The following FGF14 variants were observed in gnomAD, a reference collection of about 807,000 sequenced individuals.
FGF14 encodes fibroblast growth factor 14, also known as fibroblast growth factor homologous factor 4.
FGF14 carries 5 observed loss-of-function variants against 25.5 expected under a neutral mutation model. That is an observed-to-expected ratio of 0.20 (90% CI 0.10 to 0.41). The LOEUF is 0.41. FGF14 is among the 10% of genes least tolerant of loss of function. The pLI, the probability that FGF14 is intolerant of heterozygous loss-of-function variation, is 1.00. For missense variants in FGF14, 222 were observed against 320.1 expected (o/e 0.69, Z 2.34); for synonymous variants, 138 against 118.3 (o/e 1.17, Z -1.08).
At chr13:102,372,163 T>C (rs1043763493) in intron 1 of FGF14, among the ~76,000 whole-genome samples, 4 of 152,156 alleles carry the variant, frequency 2.6e-5, no homozygotes, top group Non-Finnish European at 5.9e-5. Flanking sequence ...TCTCTCTACT[T>C]CATTCAAAAA....
chr13:102,006,833 T>C (rs948361690), intron 1 of FGF14, among the ~76,000 whole-genome samples: 8 of 139,700 alleles, frequency 5.7e-5, no homozygotes, highest in East Asian at 4.8e-4. Flanking sequence ...CAAGCTCCGC[T>C]TCCCGGGTTC....
chr13:101,926,100 C>T (rs1332553451), intron 1 of FGF14, among the ~76,000 whole-genome samples: 1 of 152,186 alleles, frequency 6.6e-6, no homozygotes, highest in Non-Finnish European at 1.5e-5. Flanking sequence ...ATCACATCTG[C>T]AAAATCGTGT....
At chr13:102,033,697 A>G (rs1285064843) in intron 1 of FGF14, among the ~76,000 whole-genome samples, 1 of 152,162 alleles carries the variant, frequency 6.6e-6, no homozygotes, top group Non-Finnish European at 1.5e-5. Context: ...ACCGAGTTAT[A>G]TTAGGATGCA....
At chr13:102,396,262 A>T (rs1026624029) in intron 1 of FGF14, among the ~76,000 whole-genome samples, 1 of 152,182 alleles carries the variant, frequency 6.6e-6, no homozygotes, top group Non-Finnish European at 1.5e-5. Flanking sequence ...TTGGGCTCAA[A>T]GGTTTTATTA....
chr13:102,260,067 G>A (rs1466357637), intron 1 of FGF14, among the ~76,000 whole-genome samples: 1 of 152,082 alleles, frequency 6.6e-6, no homozygotes, highest in East Asian at 1.9e-4. Flanking sequence ...AGGCAAGAAA[G>A]AGCGGGGAGG....
At chr13:101,788,949 CAG>C (rs60324795) in intron 3 of FGF14, among the ~76,000 whole-genome samples, 13 of 75,046 alleles carry the variant, frequency 1.7e-4, no homozygotes, top group East Asian at 4.3e-4. Context: ...GAGAGAGAGA[CAG>C]AGAGAGAGAG....
rs540686170 is a variant in FGF14, at chr13:102,344,490, T to C, written c.208+56981A>G. 2.1e-4 allele frequency among the ~76,000 whole-genome samples: 32 copies of C among 152,388 alleles called. 1 individual carries two copies. In the East Asian group the frequency reaches 5.8e-3, roughly 28 times the overall value. ...AAAAATGTATTTTTAAAAATCAAAC[T>C]AAATTTCCTTCTAAGTAGAATGTAG... On this transcript the variant is annotated intron_variant, in intron 1 of 4. Transcript: ENST00000376131.
intron 1 of FGF14, among the ~76,000 whole-genome samples, chr13:101,993,647 T>C (rs1013268330): frequency 6.6e-6 from 1 of 152,072 alleles, no homozygotes; most frequent in Non-Finnish European, 1.5e-5. Flanking sequence ...AAACATTACT[T>C]GTAAGAGTAT....
rs1387836762 is a variant in FGF14 at position 101,721,171 on chromosome 13, A to AAAAC, written c.*1656_*1659dup. On this transcript the variant is annotated 3_prime_UTR_variant, in exon 5 of 5. Coordinates refer to ENST00000376143, the MANE Select transcript of FGF14 (RefSeq NM_004115.4). ...GGTCTCAATGAACTCTTCTGAGAAG[A>AAAAC]AAACATTGAATTTTATTAGGTGTAC... 1 of 152,178 alleles carries AAAAC rather than the reference A, an allele frequency of 6.6e-6. No homozygotes were observed. The highest frequency in any genetic ancestry group is 1.5e-5 in the Non-Finnish European group (1 of 68,026). The allele number at this position is 152,178 out of a possible 1,614,324, so 9.4% of individuals were successfully genotyped here.
intron 1 of FGF14, among the ~76,000 whole-genome samples, chr13:102,144,364 G>A (rs1029161981): frequency 1.3e-5 from 2 of 152,020 alleles, no homozygotes; most frequent in Admixed American, 1.3e-4. Flanking sequence ...ACACTGAACT[G>A]CTTATCCAAA....
At chr13:101,929,757 A>T (rs2034625934) in intron 1 of FGF14, among the ~76,000 whole-genome samples, 1 of 152,234 alleles carries the variant, frequency 6.6e-6, no homozygotes, top group African/African-American at 2.4e-5. Context: ...ACATATATAC[A>T]TGCACACATT....
Position 101,721,578 on chromosome 13 carries a change from A to G in FGF14, c.*1253T>C, listed in dbSNP as rs181961434. ...TGGTGAAATACACAGTACCGGACTC[A>G]GCATGCTGAGCTAAAAAAAATATTT... On this transcript the variant is annotated 3_prime_UTR_variant, in exon 5 of 5. Transcript: ENST00000376143. 42 of 152,268 alleles carry G rather than the reference A, an allele frequency of 2.8e-4. 1 individual carries two copies. The highest frequency in any genetic ancestry group is 7.8e-4 in the Admixed American group (12 of 15,294). 9.4% of individuals were successfully genotyped at this position (152,268 alleles called of 1,614,324 possible).
At chr13:101,788,811 C>A (rs947626708) in intron 3 of FGF14, among the ~76,000 whole-genome samples, 1 of 145,438 alleles carries the variant, frequency 6.9e-6, no homozygotes, top group Non-Finnish European at 1.5e-5. Flanking sequence ...CCTTTTTTCC[C>A]AGGATTCTTC....
chr13:101,990,889 G>A (rs1203009006), intron 1 of FGF14, among the ~76,000 whole-genome samples: 1 of 152,098 alleles, frequency 6.6e-6, no homozygotes, highest in African/African-American at 2.4e-5. Flanking sequence ...ACTCCACAAA[G>A]TTGTCATGAG....
At chr13:101,862,420 T>G (rs1028317951) in intron 3 of FGF14, among the ~76,000 whole-genome samples, 10 of 152,130 alleles carry the variant, frequency 6.6e-5, no homozygotes, top group Non-Finnish European at 1.5e-4. Context: ...TCTCTTTATA[T>G]TCCATAAAAT....
intron 3 of FGF14, among the ~76,000 whole-genome samples, chr13:101,775,629 G>A (rs1449662888): frequency 2.6e-5 from 4 of 152,120 alleles, no homozygotes; most frequent in Admixed American, 2.0e-4. Context: ...CTGTCCCTGT[G>A]CAGGTTAGTA....
At chr13:101,909,142 A>G in intron 1 of FGF14, among the ~76,000 whole-genome samples, 1 of 152,214 alleles carries the variant, frequency 6.6e-6, no homozygotes, top group Non-Finnish European at 1.5e-5. Flanking sequence ...AAAACCCTAG[A>G]AGTAAACCTA....
chr13:101,976,057 G>C (rs1046851354), intron 1 of FGF14, among the ~76,000 whole-genome samples: 7 of 152,034 alleles, frequency 4.6e-5, no homozygotes, highest in African/African-American at 7.2e-5. Context: ...TAATGAAAAT[G>C]TTTCATTTAT....
chr13:102,020,726 T>C (rs2139862121), intron 1 of FGF14, among the ~76,000 whole-genome samples: 1 of 152,254 alleles, frequency 6.6e-6, no homozygotes, highest in East Asian at 1.9e-4. Context: ...TGTTTGTGAC[T>C]TTCTCTAGCA....
Sources: gnomAD v4.1 joint callset for allele counts (sites outside exome capture counted in the v4.1 genomes callset) on GRCh38, gnomAD v4.1.1 for gene constraint, MANE v1.5 for transcripts, NCBI Gene and HGNC (gene_info 2026-07-23, HGNC 2026-07-21) for gene names.